GALNT17: variants seen among roughly 807,000 people sequenced by gnomAD.
GALNT17 encodes UDP-GalNAc:polypeptide N-acetylgalactosaminyltransferase-like 3.
In GALNT17, 29 loss-of-function variants were observed where a neutral mutation model predicts 63.7. The ratio of observed to expected loss-of-function variants is 0.46; its 90% confidence interval spans 0.34 to 0.62. The LOEUF (loss-of-function observed/expected upper bound fraction) is 0.62. Ranked by LOEUF, GALNT17 falls within the 20% of genes least tolerant of loss-of-function variation. GALNT17 has a pLI of 0.01. For missense variants in GALNT17, 603 were observed against 799.6 expected (o/e 0.75, Z 2.97); for synonymous variants, 305 against 318.3 (o/e 0.96, Z 0.45).
At position 71,280,147 on chromosome 7, in the gene GALNT17, G is replaced by A. The variant is rs578245413; in HGVS notation, c.239-55403G>A. Among the ~76,000 whole-genome samples the A allele has an allele frequency of 2.2e-4, 34 of 152,226 alleles. No individual in the cohort carries two copies. The South Asian group carries it at 6.9e-3, about 31-fold the overall frequency. On this transcript the variant is annotated intron_variant, in intron 1 of 10. Transcript: ENST00000333538. ...ATCAGAGAGAGAGGGAGTATTGGAGGGAGGGAGGTCTCTGAGGTTGTGGAA... is the reference window on the plus strand; with the variant it reads ...ATCAGAGAGAGAGGGAGTATTGGAGAGAGGGAGGTCTCTGAGGTTGTGGAA...
In GALNT17 at chr7:71,495,801, G is replaced by T. The variant is rs961445332; in HGVS notation, c.962+74696G>T. Reference sequence around the variant, plus strand: ...CCACTTTCCCTTCCTGTCTCCAATTGTATAGGGAATTGCAGGGTAGGGAAG... The same window carrying T: ...CCACTTTCCCTTCCTGTCTCCAATTTTATAGGGAATTGCAGGGTAGGGAAG... On this transcript the variant is annotated intron_variant, in intron 5 of 10. Coordinates refer to ENST00000333538, the MANE Select transcript of GALNT17 (RefSeq NM_022479.3). Among the ~76,000 whole-genome samples, 6 of 152,250 alleles carry T rather than the reference G, an allele frequency of 3.9e-5. No individual in the cohort carries two copies. The South Asian group carries it at 1.2e-3, about 32-fold the overall frequency.
chr7:71,632,817 A>G (rs555440602), intron 6 of GALNT17, among the ~76,000 whole-genome samples: 2 of 152,162 alleles, frequency 1.3e-5, no homozygotes, highest in South Asian at 4.2e-4. Context: ...AATACTATTT[A>G]TCTTGGCCAG....
At chr7:71,426,210 G>C (rs1786758263) in intron 5 of GALNT17, among the ~76,000 whole-genome samples, 1 of 152,162 alleles carries the variant, frequency 6.6e-6, no homozygotes, top group South Asian at 2.1e-4. Context: ...GGGGATTTGG[G>C]GAAAGTGTCA....
At chr7:71,623,013 A>T (rs1790319021) in intron 6 of GALNT17, among the ~76,000 whole-genome samples, 1 of 152,096 alleles carries the variant, frequency 6.6e-6, no homozygotes, top group Non-Finnish European at 1.5e-5. Flanking sequence ...CCTCTGAATG[A>T]CTGTGGTATT....
Position 71,562,239 on chromosome 7 carries a change from C to T in GALNT17, c.963-9046C>T, listed in dbSNP as rs532752548. Among the ~76,000 whole-genome samples, 74 of 152,292 alleles carry T rather than the reference C, an allele frequency of 4.9e-4. 1 individual carries two copies. The highest frequency in any genetic ancestry group is 1.6e-3 in the African/African-American group (68 of 41,572). On this transcript the variant is annotated intron_variant, in intron 5 of 10. Coordinates refer to ENST00000333538, the MANE Select transcript of GALNT17 (RefSeq NM_022479.3). The stretch of plus-strand genomic sequence containing the variant: ...CTTGGCCTCCCAAGTGCAAGGATTA[C>T]AGGTGTGCACCACTGCATCTGGTTC...
intron 9 of GALNT17, among the ~76,000 whole-genome samples, chr7:71,696,904 C>T (rs943497796): frequency 6.6e-5 from 10 of 152,168 alleles, no homozygotes; most frequent in Middle Eastern, 3.4e-3. Flanking sequence ...CTAAAAATAA[C>T]ACTAAGAAAA....
At chr7:71,245,926 G>A (rs1468825575) in intron 1 of GALNT17, among the ~76,000 whole-genome samples, 1 of 149,736 alleles carries the variant, frequency 6.7e-6, no homozygotes, top group Non-Finnish European at 1.5e-5. Flanking sequence ...CCCATAGCTG[G>A]TGGCCTTGTA....
At chr7:71,372,357 G>T (rs1422535771) in intron 2 of GALNT17, among the ~76,000 whole-genome samples, 1 of 151,982 alleles carries the variant, frequency 6.6e-6, no homozygotes, top group African/African-American at 2.4e-5. Context: ...TAGAAACAGG[G>T]TTTTGCCATG....
At chr7:71,599,768 A>G (rs567998717) in intron 6 of GALNT17, among the ~76,000 whole-genome samples, 2 of 152,244 alleles carry the variant, frequency 1.3e-5, no homozygotes, top group Admixed American at 6.5e-5. Flanking sequence ...GTTGACAAAC[A>G]TGCAATAATA....
At chr7:71,309,436 A>G (rs751214558) in intron 1 of GALNT17, among the ~76,000 whole-genome samples, 2 of 152,048 alleles carry the variant, frequency 1.3e-5, no homozygotes, top group African/African-American at 2.4e-5. Context: ...GACCACATCC[A>G]AATGTTATCT....
intron 1 of GALNT17, among the ~76,000 whole-genome samples, chr7:71,174,349 G>A (rs1334177472): frequency 6.6e-6 from 1 of 152,206 alleles, no homozygotes; most frequent in Non-Finnish European, 1.5e-5. Flanking sequence ...GGTGTGAGAT[G>A]TCAGGGGTCT....
chr7:71,461,844 A>G (rs940413826), intron 5 of GALNT17, among the ~76,000 whole-genome samples: 5 of 152,130 alleles, frequency 3.3e-5, no homozygotes, highest in African/African-American at 1.2e-4. Context: ...TCGGCCACAG[A>G]TGTCTCGACA....
At chr7:71,246,914 T>C (rs960304863) in intron 1 of GALNT17, among the ~76,000 whole-genome samples, 1 of 146,122 alleles carries the variant, frequency 6.8e-6, no homozygotes, top group African/African-American at 2.5e-5. Context: ...ATAAGCATAA[T>C]GTAAATACTT....
At position 71,132,602 on chromosome 7, in the gene GALNT17, G is replaced by A. The variant is rs773332148; in HGVS notation, c.-201G>A. 1.7e-4 allele frequency: 95 copies of A among 563,470 alleles called. No individual in the cohort carries two copies. In the South Asian group the frequency reaches 1.8e-3, roughly 11 times the overall value. 34.9% of individuals were successfully genotyped at this position (563,470 alleles called of 1,614,324 possible). ...ACTTCTGCAGAGCGAGGACTTCCAT[G>A]TGAGCGATTCCGTTCTCCCCACCAC... On this transcript the variant is annotated 5_prime_UTR_variant, in exon 1 of 11. In the 5' UTR this introduces an upstream ATG that the reference lacks. Coordinates refer to ENST00000333538, the MANE Select transcript of GALNT17 (RefSeq NM_022479.3).
Position 71,384,775 on chromosome 7 carries a change from A to G in GALNT17, c.423-3460A>G, listed in dbSNP as rs534097796. Among the ~76,000 whole-genome samples, 23 of 152,222 alleles carry G rather than the reference A, an allele frequency of 1.5e-4. No individual in the cohort carries two copies. In the East Asian group the frequency reaches 4.3e-3, roughly 28 times the overall value. On this transcript the variant is annotated intron_variant, in intron 2 of 10. Transcript: ENST00000333538. Reference sequence around the variant, plus strand: ...GATTTCTCCTGGAAGGTCAAGGAAGAGTGCCTCTGTACTCAGTAGAGCTCT... The same window carrying G: ...GATTTCTCCTGGAAGGTCAAGGAAGGGTGCCTCTGTACTCAGTAGAGCTCT...
intron 6 of GALNT17, among the ~76,000 whole-genome samples, chr7:71,602,398 C>G (rs1789979327): frequency 6.6e-6 from 1 of 152,166 alleles, no homozygotes; most frequent in Non-Finnish European, 1.5e-5. Flanking sequence ...CAGATTGACC[C>G]TCCTTAACTC....
At chr7:71,416,769 G>T (rs1025714372) in intron 4 of GALNT17, among the ~76,000 whole-genome samples, 80 of 152,142 alleles carry the variant, frequency 5.3e-4, no homozygotes, top group African/African-American at 1.5e-3. Flanking sequence ...TGAGAAAAGA[G>T]ATATAGTTAT....
intron 5 of GALNT17, among the ~76,000 whole-genome samples, chr7:71,482,106 T>TGTGTGTGC (rs1226186240): frequency 2.0e-5 from 3 of 151,268 alleles, no homozygotes; most frequent in Admixed American, 6.6e-5. Flanking sequence ...TGTGTGTGTG[T>TGTGTGTGC]GTGTGTGTAT....
intron 1 of GALNT17, among the ~76,000 whole-genome samples, chr7:71,267,215 G>A (rs961907599): frequency 2.6e-5 from 4 of 152,174 alleles, no homozygotes; most frequent in Admixed American, 1.3e-4. Flanking sequence ...TGGTTCTGTC[G>A]AGCTCCCCAT....
Sources: gnomAD v4.1 joint callset for allele counts (sites outside exome capture counted in the v4.1 genomes callset) on GRCh38, gnomAD v4.1.1 for gene constraint, MANE v1.5 for transcripts, NCBI Gene and HGNC (gene_info 2026-07-23, HGNC 2026-07-21) for gene names.